The following KDM4B variants were observed in gnomAD, a reference collection of about 807,000 sequenced individuals.
KDM4B encodes the protein lysine demethylase 4B, also known as lysine-specific demethylase 4B.
Under a neutral mutation model 125.2 loss-of-function variants are expected in KDM4B, and 32 were observed. The ratio of observed to expected loss-of-function variants is 0.26; its 90% confidence interval spans 0.19 to 0.34. The LOEUF is 0.34. KDM4B is among the 10% of genes least tolerant of loss of function. KDM4B has a pLI of 1.00. For synonymous variants in KDM4B, 721 were observed against 677.9 expected, an observed-to-expected ratio of 1.06 and a Z score of -0.99; for missense variants, 1,190 against 1,577.7, an observed-to-expected ratio of 0.75 and a Z score of 4.16.
chr19:5,017,496 C>T (rs1229311582), intron 2 of KDM4B, among the ~76,000 whole-genome samples: 1 of 152,170 alleles, frequency 6.6e-6, no homozygotes, highest in Non-Finnish European at 1.5e-5. Flanking sequence ...GAAAACCATG[C>T]GCCTCCTCTT....
At chr19:5,090,134 C>T (rs536679629) in intron 9 of KDM4B, among the ~76,000 whole-genome samples, 59 of 152,156 alleles carry the variant, frequency 3.9e-4, no homozygotes, top group Non-Finnish European at 3.7e-4. Flanking sequence ...GGAAGCCCAG[C>T]CCAGCATTGC....
intron 1 of KDM4B, among the ~76,000 whole-genome samples, chr19:4,984,873 C>G (rs955455270): frequency 6.6e-6 from 1 of 152,120 alleles, no homozygotes; most frequent in Non-Finnish European, 1.5e-5. Flanking sequence ...GCACCTGCTC[C>G]GTGAAACCCG....
chr19:5,118,296 C>T (rs1599223118), intron 10 of KDM4B, among the ~76,000 whole-genome samples: 2 of 152,360 alleles, frequency 1.3e-5, no homozygotes, highest in Admixed American at 1.3e-4. Flanking sequence ...GAAGCCGCAG[C>T]CGGCATTGGT....
At chr19:5,032,782 C>A in intron 2 of KDM4B, 84 bp from the exon 3 acceptor site, 1 of 1,318,266 alleles carries the variant, frequency 7.6e-7, no homozygotes, top group Non-Finnish European at 1.1e-6. Context: ...GTATTTTTAG[C>A]ACGCTCCGTT....
At chr19:5,026,911 T>C (rs1279777770) in intron 2 of KDM4B, among the ~76,000 whole-genome samples, 1 of 152,202 alleles carries the variant, frequency 6.6e-6, no homozygotes, top group African/African-American at 2.4e-5. Flanking sequence ...TTGTCTAGAA[T>C]CTTCTACAAG....
chr19:5,056,896 TCCTGGGGC>T (rs2037416687), intron 6 of KDM4B, among the ~76,000 whole-genome samples: 1 of 45,090 alleles, frequency 2.2e-5, no homozygotes, highest in Non-Finnish European at 4.1e-5. Flanking sequence ...GGGCGGGGAG[TCCTGGGGC>T]GGGGAGTCCT....
At position 5,035,256 on chromosome 19, in the gene KDM4B, G is replaced by T. The variant is rs2036581618; in HGVS notation, c.141+2225G>T. On this transcript the variant is annotated intron_variant, in intron 3 of 22. Coordinates refer to ENST00000159111, the MANE Select transcript of KDM4B (RefSeq NM_015015.3). This position sits in a 1 kb window ranked among gnomAD's most constrained non-coding sequence, Gnocchi z 5.3. ...CTCCCTTTATCCTGGCACCGCATCTGCCTCTGTCTCCTGCCCTTGACCTAC... is the reference window on the plus strand; with the variant it reads ...CTCCCTTTATCCTGGCACCGCATCTTCCTCTGTCTCCTGCCCTTGACCTAC... 6.6e-6 allele frequency among the ~76,000 whole-genome samples: 1 copy of T among 152,130 alleles called. No individual in the cohort carries two copies. The highest frequency in any genetic ancestry group is 6.5e-5 in the Admixed American group (1 of 15,280).
At chr19:5,144,565 G>A (rs1244384111) in intron 20 of KDM4B, among the ~76,000 whole-genome samples, 153 bp downstream of exon 20, 2 of 152,174 alleles carry the variant, frequency 1.3e-5, no homozygotes, top group Non-Finnish European at 2.9e-5. Flanking sequence ...CTTGTCCTCA[G>A]GGCCCCAGGC....
intron 10 of KDM4B, among the ~76,000 whole-genome samples, chr19:5,118,860 A>G (rs941309387): frequency 2.0e-5 from 3 of 152,180 alleles, no homozygotes; most frequent in African/African-American, 4.8e-5. Context: ...CAGGTTGGGC[A>G]TGCAGGATGC....
In KDM4B at chr19:5,039,868, G is replaced by C. The variant is rs1459591837; in HGVS notation, c.174G>C (p.Gln58His). The change falls in exon 4 of 23, where the codon CAG (glutamine) becomes CAC (histidine). Residue 58 changes from glutamine to histidine, a missense_variant. Gln to His is a conservative substitution (Grantham distance 24, BLOSUM62 0). Around this residue, in one of 7 missense-constraint regions of KDM4B, gnomAD observed 139 missense variants for 248.3 expected, o/e 0.56. Coordinates refer to ENST00000159111, the MANE Select transcript of KDM4B (RefSeq NM_015015.3). ...CCCCGAAGGAGTGGAAGCCGCGGCA[G>C]ACGTATGATGACATCGACGACGTGG... is the stretch of plus-strand genomic sequence containing the variant. ...IIPPKEWKPR[Q>H]TYDDIDDVVI... 1 of 1,612,878 alleles carries C rather than the reference G, an allele frequency of 6.2e-7. No individual in the cohort carries two copies. The highest frequency in any genetic ancestry group is 1.7e-5 in the Admixed American group (1 of 59,996).
chr19:4,984,521 G>A (rs182051018), intron 1 of KDM4B, among the ~76,000 whole-genome samples: 80 of 152,264 alleles, frequency 5.3e-4, no homozygotes, highest in Non-Finnish European at 1.8e-4. Flanking sequence ...AGCTGGACCC[G>A]AGGCAGCGTT....
At chr19:5,117,888 C>T (rs1290800502) in intron 10 of KDM4B, among the ~76,000 whole-genome samples, 3 of 152,186 alleles carry the variant, frequency 2.0e-5, no homozygotes, top group Non-Finnish European at 4.4e-5. Context: ...CTGCAGACAT[C>T]GGGGAGCACT....
intron 7 of KDM4B, chr19:5,074,367 G>A (rs924057468): frequency 6.6e-6 from 1 of 152,228 alleles, no homozygotes; most frequent in Non-Finnish European, 1.5e-5. Flanking sequence ...TTTGGGGCAG[G>A]CGATGTGTTC....
intron 2 of KDM4B, among the ~76,000 whole-genome samples, chr19:5,022,811 G>A (rs2036164430): frequency 6.6e-6 from 1 of 152,074 alleles, no homozygotes; most frequent in Non-Finnish European, 1.5e-5. Context: ...GTGCCGGGCA[G>A]GAGTGCTCTC....
chr19:4,980,426 T>C (rs1432312216), intron 1 of KDM4B, among the ~76,000 whole-genome samples: 3 of 145,442 alleles, frequency 2.1e-5, no homozygotes, highest in Non-Finnish European at 4.6e-5. Context: ...TCTTTCTTTT[T>C]TTTTTTTTTT....
chr19:5,082,387 A>T lies in KDM4B; in HGVS notation c.801A>T (p.Glu267Asp), dbSNP rs765327887. Residue 267 changes from glutamate to aspartate, a missense_variant, in exon 9 of 23, where the codon GAA (glutamate) becomes GAT (aspartate). Coordinates refer to ENST00000159111, the MANE Select transcript of KDM4B (RefSeq NM_015015.3). The surrounding 1 kb of genome is among the most constrained non-coding windows in gnomAD (Gnocchi z 5.4). Reference sequence around the variant, plus strand: ...TGCAGATCACGCAGGAGGCCGGGGAATTCATGATCACATTTCCCTACGGCT... The same window carrying T: ...TGCAGATCACGCAGGAGGCCGGGGATTTCATGATCACATTTCCCTACGGCT... The part of the protein sequence containing the change: ...PFSRITQEAG[E>D]FMITFPYGYH... 6.2e-7 allele frequency: 1 copy of T among 1,613,568 alleles called. No individual in the cohort carries two copies. Among genetic ancestry groups the T allele is most frequent in the Non-Finnish European group, 8.5e-7 (1 of 1,179,882 alleles).
intron 1 of KDM4B, among the ~76,000 whole-genome samples, chr19:5,006,396 G>A (rs995467178): frequency 1.3e-5 from 2 of 151,966 alleles, no homozygotes; most frequent in Non-Finnish European, 2.9e-5. Flanking sequence ...CCCCTCCGCC[G>A]CATCTTTCTG....
chr19:5,025,309 C>T (rs1185760038), intron 2 of KDM4B, among the ~76,000 whole-genome samples: 2 of 152,226 alleles, frequency 1.3e-5, no homozygotes, highest in Non-Finnish European at 2.9e-5. Context: ...TCTGCGGTGC[C>T]CCAGCCAGGA....
intron 6 of KDM4B, among the ~76,000 whole-genome samples, chr19:5,064,929 C>T (rs1008005065): frequency 6.6e-6 from 1 of 152,344 alleles, no homozygotes; most frequent in Middle Eastern, 3.4e-3. Flanking sequence ...GAGGCAGCGG[C>T]CCTGCTGTCA....
Sources: gnomAD v4.1 joint callset for allele counts (sites outside exome capture counted in the v4.1 genomes callset) on GRCh38, gnomAD v4.1.1 for gene constraint, gnomAD v4.1.1 regional missense constraint, Gnocchi (gnomAD v3.1) non-coding constraint, MANE v1.5 for transcripts, NCBI Gene and HGNC (gene_info 2026-07-23, HGNC 2026-07-21) for gene names.